Variants in DAAM2 observed in about 807,000 individuals in gnomAD.
DAAM2 encodes disheveled-associated activator of morphogenesis 2.
Under a neutral mutation model 120.7 loss-of-function variants are expected in DAAM2, and 39 were observed. That is an observed-to-expected ratio of 0.32 (90% CI 0.25 to 0.42). The LOEUF (loss-of-function observed/expected upper bound fraction) is 0.42, where lower values mean the gene tolerates loss of function less well. DAAM2 is among the 10% of genes least tolerant of loss of function. DAAM2 has a pLI of 1.00. For synonymous variants in DAAM2, 488 were observed against 524.9 expected (o/e 0.93, Z 0.96); for missense variants, 1,283 against 1,401.7 (o/e 0.92, Z 1.35).
At chr6:39,898,155 C>T (rs961329317) in intron 21 of DAAM2, among the ~76,000 whole-genome samples, 2 of 152,230 alleles carry the variant, frequency 1.3e-5, no homozygotes, top group Non-Finnish European at 2.9e-5. Flanking sequence ...GCAATTGGTG[C>T]TTAACCCCAT....
chr6:39,873,195 T>A, intron 9 of DAAM2, 43 bp from the exon 10 acceptor site: 1 of 1,321,886 alleles, frequency 7.6e-7, no homozygotes, highest in Non-Finnish European at 1.1e-6. Flanking sequence ...GCTGACTTCC[T>A]CTGCTGCCTA....
intron 16 of DAAM2, chr6:39,888,473 C>G: frequency 2.2e-6 from 1 of 457,696 alleles, no homozygotes; most frequent in Non-Finnish European, 4.1e-6. Context: ...CCTCACGTCT[C>G]TATTTTGACA....
intron 19 of DAAM2, among the ~76,000 whole-genome samples, chr6:39,895,301 T>C (rs1766009817): frequency 6.6e-6 from 1 of 151,718 alleles, no homozygotes; most frequent in Admixed American, 6.6e-5. Flanking sequence ...AGTGGTGTGA[T>C]CTCGGCTCAC....
intron 1 of DAAM2, among the ~76,000 whole-genome samples, chr6:39,844,371 GAC>G (rs58561482): frequency 0.014 from 2,053 of 148,820 alleles, 20 homozygotes; most frequent in East Asian, 0.058. Context: ...ACATCTGCTG[GAC>G]ACACACACAC....
chr6:39,882,767 A>G (rs1212905227), intron 14 of DAAM2, among the ~76,000 whole-genome samples: 1 of 151,878 alleles, frequency 6.6e-6, no homozygotes, highest in Non-Finnish European at 1.5e-5. Flanking sequence ...TGTTTCTGCC[A>G]TGAAAAGAAT....
At chr6:39,822,164 C>G (rs1423345582) in intron 1 of DAAM2, 2 of 152,312 alleles carry the variant, frequency 1.3e-5, no homozygotes, top group African/African-American at 2.4e-5. Context: ...TGGGCTCAGC[C>G]AGCATCCCCA....
chr6:39,837,663 C>CAAAAAAAAAAAAAAAAAAAAAAAAAAAA (rs758751293), intron 1 of DAAM2, among the ~76,000 whole-genome samples: 8 of 41,196 alleles, frequency 1.9e-4, no homozygotes, highest in African/African-American at 6.7e-4. Flanking sequence ...AACTCCATCT[C>CAAAAAAAAAAAAAAAAAAAAAAAAAAAA]AAAAAAAAAA....
chr6:39,851,457 G>C (rs971344334), intron 1 of DAAM2, among the ~76,000 whole-genome samples: 2 of 152,194 alleles, frequency 1.3e-5, no homozygotes, highest in Admixed American at 6.5e-5. Flanking sequence ...ATAAAATGTC[G>C]ACATAGCCAG....
At chr6:39,872,626 G>T (rs1300456167) in intron 9 of DAAM2, among the ~76,000 whole-genome samples, 1 of 152,136 alleles carries the variant, frequency 6.6e-6, no homozygotes, top group African/African-American at 2.4e-5. Flanking sequence ...AGCTACTTTT[G>T]GGTGGTGCTT....
In DAAM2 at chr6:39,891,357, C is replaced by T; in HGVS notation, c.2162C>T (p.Pro721Leu). 1 of 1,609,150 alleles carries T rather than the reference C, an allele frequency of 6.2e-7. No individual in the cohort carries two copies. Among genetic ancestry groups the T allele is most frequent in the South Asian group, 1.1e-5 (1 of 89,826 alleles). The change falls in exon 18 of 25, where the codon CCA (proline) becomes CTA (leucine). Residue 721 changes from proline to leucine, a missense_variant. Pro to Leu is a moderately conservative substitution (Grantham distance 98, BLOSUM62 -3). This residue lies in a region of DAAM2 where 748 missense variants were observed against 768.6 expected (regional missense o/e 0.97). Coordinates refer to ENST00000274867, the MANE Select transcript of DAAM2 (RefSeq NM_001201427.2). ...TCTTTGCAGCTCCTCAAGTTCATCC[C>T]AGAGAAGAGTGACATTGACCTCCTG... The part of the protein sequence containing the change: ...DMLEQLLKFI[P>L]EKSDIDLLEE...
At position 39,878,092 on chromosome 6, in the gene DAAM2, A is replaced by G. The variant is rs1582721078; in HGVS notation, c.1302-111A>G. 98 of 1,109,090 alleles carry G rather than the reference A, an allele frequency of 8.8e-5. No individual in the cohort carries two copies. Among genetic ancestry groups the G allele is most frequent in the Middle Eastern group, 2.1e-4 (1 of 4,668 alleles). The allele number at this position is 1,109,090 out of a possible 1,614,324, so 68.7% of individuals were successfully genotyped here. A position where few individuals can be genotyped will look rare whatever the true frequency, so the allele number is the denominator to read the frequency against. On this transcript the variant is annotated intron_variant, in intron 11 of 24. Transcript: ENST00000274867. The surrounding 1 kb of genome is among the most constrained non-coding windows in gnomAD (Gnocchi z 5.0). Reference sequence around the variant, plus strand: ...ATCCTAGCCCCCTTGATGTGGCTGGACAGATTGGAGACCAGGGTCCCCACC... The same window carrying G: ...ATCCTAGCCCCCTTGATGTGGCTGGGCAGATTGGAGACCAGGGTCCCCACC...
chr6:39,805,408 A>C (rs992997180), intron 1 of DAAM2, among the ~76,000 whole-genome samples: 7 of 152,126 alleles, frequency 4.6e-5, no homozygotes, highest in Non-Finnish European at 8.8e-5. Flanking sequence ...GTACTCCATA[A>C]ATATTTATTA....
At chr6:39,866,373 T>C (rs114209634) in intron 5 of DAAM2, among the ~76,000 whole-genome samples, 3,178 of 152,260 alleles carry the variant, frequency 0.021, 105 homozygotes, top group African/African-American at 0.072. Context: ...AGTAAAAAAA[T>C]AGCTATTGTT....
chr6:39,847,006 C>T (rs1763622004), intron 1 of DAAM2, among the ~76,000 whole-genome samples: 1 of 152,176 alleles, frequency 6.6e-6, no homozygotes, highest in South Asian at 2.1e-4. Context: ...TCCCAGTCTG[C>T]CCTCCCTGAG....
intron 19 of DAAM2, among the ~76,000 whole-genome samples, chr6:39,896,290 C>G (rs1473776750): frequency 1.3e-5 from 2 of 151,980 alleles, no homozygotes; most frequent in African/African-American, 4.8e-5. Context: ...GCAGCCTCAG[C>G]CTCCTGGGTT....
At chr6:39,864,582 C>A in intron 4 of DAAM2, 75 bp downstream of exon 4, 1 of 1,221,036 alleles carries the variant, frequency 8.2e-7, no homozygotes, top group South Asian at 1.4e-5. Context: ...CCAGCCCCCA[C>A]CCCCCACACA....
intron 15 of DAAM2, chr6:39,884,441 T>G (rs1448827732): frequency 5.5e-6 from 1 of 181,980 alleles, no homozygotes; most frequent in Non-Finnish European, 1.2e-5. Context: ...TGTGGACCCT[T>G]GCTGTCTTTG....
intron 1 of DAAM2, among the ~76,000 whole-genome samples, chr6:39,853,354 G>A (rs1443648606): frequency 6.6e-6 from 1 of 152,212 alleles, no homozygotes; most frequent in Admixed American, 6.5e-5. Flanking sequence ...CTTGGGAGCT[G>A]TCATACATGC....
intron 1 of DAAM2, among the ~76,000 whole-genome samples, chr6:39,806,032 A>G (rs1397138740): frequency 1.3e-5 from 2 of 152,140 alleles, no homozygotes; most frequent in African/African-American, 4.8e-5. Flanking sequence ...ACTCTCAAGC[A>G]TTTCCAAACT....
Sources: allele counts gnomAD v4.1 joint callset (sites outside exome capture counted in the v4.1 genomes callset), GRCh38; gene constraint gnomAD v4.1.1; regional missense constraint gnomAD v4.1.1; non-coding constraint Gnocchi (gnomAD v3.1); transcripts MANE v1.5; gene names NCBI Gene and HGNC (gene_info 2026-07-23, HGNC 2026-07-21).